Variants in CPEB1 observed in about 807,000 individuals in gnomAD.
CPEB1 encodes cytoplasmic polyadenylation element-binding protein 1.
CPEB1 carries 7 observed loss-of-function variants against 65.8 expected under a neutral mutation model. The ratio of observed to expected loss-of-function variants is 0.11; its 90% CI spans 0.06 to 0.20. The LOEUF (loss-of-function observed/expected upper bound fraction) is 0.20. CPEB1 is among the 10% of genes least tolerant of loss of function. CPEB1 has a pLI of 1.00. For synonymous variants in CPEB1, 262 were observed against 260.0 expected, an observed-to-expected ratio of 1.01 and a Z score of -0.08; for missense variants, 551 against 712.2, an observed-to-expected ratio of 0.77 and a Z score of 2.58.
chr15:82,646,123 T>C lies in CPEB1; in HGVS notation c.-98+1014A>G, dbSNP rs796553648. Among the ~76,000 whole-genome samples the C allele has an allele frequency of 8.5e-5, 13 of 152,112 alleles. 1 individual carries two copies. The highest frequency in any genetic ancestry group is 2.9e-4 in the African/African-American group (12 of 41,498). On this transcript the variant is annotated intron_variant, in intron 1 of 12. Coordinates refer to ENST00000684509, the MANE Select transcript of CPEB1 (RefSeq NM_001365242.1). ...TTGAGGTTTCCAAGGTTGGGTCCTG[T>C]TTGAATTTATTTTTATTTTTTAACC...
intron 1 of CPEB1, chr15:82,641,530 C>T (rs1285153769): frequency 6.6e-6 from 1 of 152,058 alleles, no homozygotes; most frequent in Non-Finnish European, 1.5e-5. Context: ...ATTATGCTGG[C>T]CAAGAATAAA....
At chr15:82,565,584 G>T (rs537399327) in intron 4 of CPEB1, among the ~76,000 whole-genome samples, 1 of 152,222 alleles carries the variant, frequency 6.6e-6, no homozygotes, top group East Asian at 1.9e-4. Context: ...ATGCAGGCCA[G>T]TGTCTCATCT....
intron 4 of CPEB1, among the ~76,000 whole-genome samples, chr15:82,569,669 T>C (rs2039714002): frequency 6.6e-6 from 1 of 152,214 alleles, no homozygotes; most frequent in Non-Finnish European, 1.5e-5. Context: ...AAGCCCCCAG[T>C]GGGGCACACC....
At position 82,555,887 on chromosome 15, in the gene CPEB1, A is replaced by C; in HGVS notation, c.923T>G (p.Leu308Arg). ...ACACTCACCTGCAGCTTGTCGGTGC[A>C]GCCTGGCCTCTCTCTCTATGCTGAA... ...DPFSIEREAR[L>R]HRQAAAVNEA... The change falls in exon 6 of 13, where the codon CTG becomes CGG. Residue 308 changes from leucine to arginine, a missense_variant. Physicochemically the swap from Leu to Arg is moderately radical, Grantham distance 102. Transcript: ENST00000684509. The C allele has an allele frequency of 6.2e-7, 1 of 1,612,820 alleles. No homozygotes were observed. Among genetic ancestry groups the C allele is most frequent in the Non-Finnish European group, 8.5e-7 (1 of 1,179,474 alleles).
chr15:82,580,442 A>T (rs1016408603), intron 3 of CPEB1, among the ~76,000 whole-genome samples: 2 of 152,224 alleles, frequency 1.3e-5, no homozygotes, highest in African/African-American at 2.4e-5. Flanking sequence ...TTGTAAATCT[A>T]CAGTTTCACT....
At chr15:82,577,261 G>C (rs2040753474) in intron 3 of CPEB1, among the ~76,000 whole-genome samples, 1 of 152,144 alleles carries the variant, frequency 6.6e-6, no homozygotes, top group Admixed American at 6.5e-5. Flanking sequence ...GTCTCACTAT[G>C]TTGGCCAGGC....
intron 3 of CPEB1, among the ~76,000 whole-genome samples, chr15:82,624,428 C>G (rs746605037): frequency 9.9e-5 from 15 of 152,172 alleles, no homozygotes; most frequent in Non-Finnish European, 1.8e-4. Context: ...GCTGAGAAAA[C>G]TGACCTCTTT....
At chr15:82,603,087 T>G (rs2043260642) in intron 3 of CPEB1, among the ~76,000 whole-genome samples, 1 of 152,038 alleles carries the variant, frequency 6.6e-6, no homozygotes. Context: ...AACAACATTC[T>G]TTGTGGCCTT....
At chr15:82,570,114 C>T (rs1262409758) in intron 4 of CPEB1, among the ~76,000 whole-genome samples, 1 of 151,756 alleles carries the variant, frequency 6.6e-6, no homozygotes, top group East Asian at 1.9e-4. Context: ...CCATCCACAT[C>T]CACATAAAAC....
At chr15:82,601,600 T>C (rs1476052423) in intron 3 of CPEB1, among the ~76,000 whole-genome samples, 2 of 152,146 alleles carry the variant, frequency 1.3e-5, no homozygotes, top group African/African-American at 2.4e-5. Flanking sequence ...ATTTGCAGAA[T>C]GGATTAAAAA....
At chr15:82,602,533 C>T (rs1207871728) in intron 3 of CPEB1, among the ~76,000 whole-genome samples, 1 of 152,024 alleles carries the variant, frequency 6.6e-6, no homozygotes, top group Non-Finnish European at 1.5e-5. Context: ...AGGGCAAGAT[C>T]CTGCATCCAG....
chr15:82,629,790 T>C (rs1208220911), intron 1 of CPEB1: 3 of 985,352 alleles, frequency 3.0e-6, no homozygotes, highest in Non-Finnish European at 3.6e-6. Context: ...AATGTCATTT[T>C]GTTTGGCCTA....
At chr15:82,588,308 T>G (rs2041963160) in intron 3 of CPEB1, among the ~76,000 whole-genome samples, 2 of 152,136 alleles carry the variant, frequency 1.3e-5, no homozygotes, top group African/African-American at 4.8e-5. Flanking sequence ...TAATAGCATG[T>G]ACAACTTCAA....
At position 82,607,403 on chromosome 15, in the gene CPEB1, C is replaced by T. The variant is rs2043722197; in HGVS notation, c.271+19790G>A. On this transcript the variant is annotated intron_variant, in intron 3 of 12. Coordinates refer to ENST00000684509, the MANE Select transcript of CPEB1 (RefSeq NM_001365242.1). ...AGGAGTTCGAGACCAGCCTGGCCAA[C>T]ATGGTGAAACCCCGTCTCTACTAAA... 2.6e-5 allele frequency among the ~76,000 whole-genome samples: 4 copies of T among 152,108 alleles called. No individual in the cohort carries two copies. The South Asian group carries it at 8.3e-4, about 31-fold the overall frequency.
At chr15:82,626,305 G>A (rs1014237938) in intron 3 of CPEB1, among the ~76,000 whole-genome samples, 19 of 151,618 alleles carry the variant, frequency 1.3e-4, no homozygotes, top group Admixed American at 3.3e-4. Flanking sequence ...GTGGTGGCGC[G>A]TGCCTGTAAT....
chr15:82,638,664 A>G (rs1325219542), intron 1 of CPEB1: 1 of 152,186 alleles, frequency 6.6e-6, no homozygotes, highest in Non-Finnish European at 1.5e-5. Context: ...TTTTCAAAGG[A>G]AAAAAAGAGG....
chr15:82,647,967 G>C, upstream of CPEB1: 5 of 963,476 alleles, frequency 5.2e-6, no homozygotes, highest in East Asian at 3.4e-5. Context: ...AGCGGGCCGC[G>C]CGCAGCCCCG....
chr15:82,592,042 C>T (rs1463644820), intron 3 of CPEB1, among the ~76,000 whole-genome samples: 1 of 151,424 alleles, frequency 6.6e-6, no homozygotes, highest in African/African-American at 2.4e-5. Flanking sequence ...TAGGGTTTTG[C>T]CATATTTCCC....
upstream of CPEB1, chr15:82,648,009 C>G (rs1596158004): frequency 4.7e-6 from 3 of 636,338 alleles, no homozygotes; most frequent in African/African-American, 1.9e-5. Context: ...TCCTACGAGC[C>G]GCTCCTCGGA....
Sources: gnomAD v4.1 joint callset for allele counts (sites outside exome capture counted in the v4.1 genomes callset) on GRCh38, gnomAD v4.1.1 for gene constraint, MANE v1.5 for transcripts, NCBI Gene and HGNC (gene_info 2026-07-23, HGNC 2026-07-21) for gene names.